Variants in PTPRD observed in about 807,000 individuals in gnomAD.
PTPRD encodes protein tyrosine phosphatase receptor type D.
In PTPRD, 34 loss-of-function variants were observed where a neutral mutation model predicts 214.5. The observed-to-expected ratio is 0.16, with a 90% CI of 0.12 to 0.21. The LOEUF is 0.21. Among genes scored for constraint, PTPRD ranks in the 10% least tolerant of loss-of-function variants. The pLI is 1.00. For missense variants in PTPRD, 2,545 were observed against 2,398.7 expected, an observed-to-expected ratio of 1.06 and a Z score of -1.27; for synonymous variants, 1,128 against 845.7, an observed-to-expected ratio of 1.33 and a Z score of -5.79.
At chr9:8,635,509 C>G (rs1037396138) in intron 13 of PTPRD, among the ~76,000 whole-genome samples, 1 of 152,084 alleles carries the variant, frequency 6.6e-6, no homozygotes, top group Non-Finnish European at 1.5e-5. Context: ...CACTTGTAAA[C>G]TACAACCCAA....
In PTPRD at chr9:9,874,848, T is replaced by C. The variant is rs559932829; in HGVS notation, c.-368+63659A>G. On this transcript the variant is annotated intron_variant, in intron 5 of 45. Coordinates refer to ENST00000381196, the MANE Select transcript of PTPRD (RefSeq NM_002839.4). ...ATTTTGTGTCCAGGGAATTTGAGAT[T>C]AGTGATACATTATCCTGTGGTGCAG... 1.3e-4 allele frequency among the ~76,000 whole-genome samples: 20 copies of C among 152,268 alleles called. No individual in the cohort carries two copies. In the South Asian group the frequency reaches 4.1e-3, roughly 32 times the overall value.
chr9:10,079,221 G>T (rs988653008), intron 3 of PTPRD, among the ~76,000 whole-genome samples: 1 of 152,048 alleles, frequency 6.6e-6, no homozygotes, highest in Admixed American at 6.6e-5. Flanking sequence ...CCAGGTTAAG[G>T]TTGTGCCTGA....
At chr9:9,035,438 T>C (rs898342936) in intron 10 of PTPRD, among the ~76,000 whole-genome samples, 2 of 152,010 alleles carry the variant, frequency 1.3e-5, no homozygotes, top group Non-Finnish European at 2.9e-5. Flanking sequence ...AATGTAAATA[T>C]CAAAGGGGAA....
intron 12 of PTPRD, among the ~76,000 whole-genome samples, chr9:8,726,952 C>T (rs1237902350): frequency 6.6e-6 from 1 of 151,514 alleles, no homozygotes; most frequent in East Asian, 1.9e-4. Flanking sequence ...CCAGCCTGGG[C>T]AGCAGAGCCA....
At chr9:9,880,600 A>G (rs755225141) in intron 5 of PTPRD, among the ~76,000 whole-genome samples, 14 of 152,082 alleles carry the variant, frequency 9.2e-5, no homozygotes, top group Non-Finnish European at 1.8e-4. Context: ...AATGCACTAG[A>G]GGAGAATTTA....
intron 3 of PTPRD, among the ~76,000 whole-genome samples, chr9:10,322,634 T>C (rs930925668): frequency 6.6e-6 from 1 of 152,090 alleles, no homozygotes; most frequent in African/African-American, 2.4e-5. Context: ...GGTTAAAATA[T>C]TTAGAAATAA....
chr9:9,635,630 G>A (rs1009755009), intron 7 of PTPRD, among the ~76,000 whole-genome samples: 1 of 152,124 alleles, frequency 6.6e-6, no homozygotes, highest in African/African-American at 2.4e-5. Flanking sequence ...TGTCAGCCTT[G>A]TTGTCATTCT....
At chr9:9,467,274 CTT>C (rs2094245013) in intron 8 of PTPRD, among the ~76,000 whole-genome samples, 1 of 72,560 alleles carries the variant, frequency 1.4e-5, no homozygotes, top group Non-Finnish European at 2.6e-5. Context: ...TTGGTCTTCT[CTT>C]TGGCCAAAAT....
chr9:8,792,899 G>A (rs1293868699), intron 11 of PTPRD, among the ~76,000 whole-genome samples: 1 of 151,740 alleles, frequency 6.6e-6, no homozygotes, highest in Non-Finnish European at 1.5e-5. Flanking sequence ...AACCCCCACA[G>A]TTACAGCTAC....
In PTPRD at chr9:9,559,147, T is replaced by G. The variant is rs189832033; in HGVS notation, c.-237+15585A>C. On this transcript the variant is annotated intron_variant, in intron 8 of 45. Coordinates refer to ENST00000381196, the MANE Select transcript of PTPRD (RefSeq NM_002839.4). ...TGAGCCTAGAGGGCAGCATATGCAGTTACTAACTGCTTCCCAGTCTGGGGC... is the reference window on the plus strand; with the variant it reads ...TGAGCCTAGAGGGCAGCATATGCAGGTACTAACTGCTTCCCAGTCTGGGGC... 4.7e-4 allele frequency among the ~76,000 whole-genome samples: 71 copies of G among 152,252 alleles called. 1 individual carries two copies. Among genetic ancestry groups the G allele is most frequent in the East Asian group, 4.1e-3 (21 of 5,172 alleles).
intron 5 of PTPRD, among the ~76,000 whole-genome samples, chr9:9,928,684 T>C (rs1177617926): frequency 6.6e-6 from 1 of 151,904 alleles, no homozygotes; most frequent in Non-Finnish European, 1.5e-5. Context: ...TACCTGACCT[T>C]GTATTTGGTG....
At chr9:9,945,691 G>C (rs1249913243) in intron 4 of PTPRD, among the ~76,000 whole-genome samples, 3 of 152,012 alleles carry the variant, frequency 2.0e-5, no homozygotes, top group African/African-American at 7.2e-5. Flanking sequence ...TTTAAGAGGG[G>C]AGAAATTAGA....
chr9:9,505,381 GC>G (rs1198977694), intron 8 of PTPRD, among the ~76,000 whole-genome samples: 6 of 151,254 alleles, frequency 4.0e-5, no homozygotes, highest in Non-Finnish European at 8.9e-5. Flanking sequence ...CTTTCCTCTT[GC>G]AAAAGTGGCC....
At position 8,953,725 on chromosome 9, in the gene PTPRD, C is replaced by G. The variant is rs561825205; in HGVS notation, c.-104+64972G>C. Among the ~76,000 whole-genome samples the G allele has an allele frequency of 3.3e-5, 5 of 152,086 alleles. No homozygotes were observed. In the South Asian group the frequency reaches 8.3e-4, roughly 25 times the overall value. On this transcript the variant is annotated intron_variant, in intron 11 of 45. Transcript: ENST00000381196. ...CACTTCTTAACAGAAGACATACAAG[C>G]AACCCACAAACATATGAAAAAATGT...
intron 9 of PTPRD, among the ~76,000 whole-genome samples, chr9:9,357,221 G>A (rs998604551): frequency 6.6e-6 from 1 of 151,334 alleles, no homozygotes; most frequent in Non-Finnish European, 1.5e-5. Context: ...GAATTTATGG[G>A]TGTCTGGAAT....
intron 35 of PTPRD, among the ~76,000 whole-genome samples, chr9:8,415,926 G>A (rs2093901403): frequency 2.6e-5 from 4 of 152,050 alleles, no homozygotes; most frequent in South Asian, 4.1e-4. Flanking sequence ...ACCATATCAA[G>A]GTATTCTCAA....
At chr9:10,565,992 T>C (rs138436136) in intron 2 of PTPRD, among the ~76,000 whole-genome samples, 192 of 152,162 alleles carry the variant, frequency 1.3e-3, no homozygotes, top group African/African-American at 4.5e-3. Flanking sequence ...CTTAACATTA[T>C]GGTATAAGGT....
At chr9:8,420,522 G>C (rs979941456) in intron 35 of PTPRD, among the ~76,000 whole-genome samples, 2 of 152,056 alleles carry the variant, frequency 1.3e-5, no homozygotes, top group Non-Finnish European at 2.9e-5. Flanking sequence ...ATAATCCTTG[G>C]TCTGTGGCAT....
intron 2 of PTPRD, among the ~76,000 whole-genome samples, chr9:10,497,801 T>G (rs553321916): frequency 6.6e-6 from 1 of 152,132 alleles, no homozygotes; most frequent in African/African-American, 2.4e-5. Flanking sequence ...TCTTCTACTT[T>G]TATTCTAAAA....
Sources: gnomAD v4.1 joint callset for allele counts (sites outside exome capture counted in the v4.1 genomes callset) on GRCh38, gnomAD v4.1.1 for gene constraint, MANE v1.5 for transcripts, NCBI Gene and HGNC (gene_info 2026-07-23, HGNC 2026-07-21) for gene names.